LRP1B: variants seen among roughly 807,000 people sequenced by gnomAD.
The protein encoded by LRP1B is low-density lipoprotein receptor-related protein 1B.
LRP1B carries 217 observed loss-of-function variants against 556.6 expected under a neutral mutation model. The ratio of observed to expected loss-of-function variants is 0.39; its 90% CI spans 0.35 to 0.44. The LOEUF is 0.44. Among genes scored for constraint, LRP1B ranks in the 20% least tolerant of loss-of-function variants. LRP1B has a pLI of 1.00. For synonymous variants in LRP1B, 2,047 were observed against 1,865.8 expected, an observed-to-expected ratio of 1.10 and a Z score of -2.50; for missense variants, 5,053 against 5,620.8, an observed-to-expected ratio of 0.90 and a Z score of 3.23.
chr2:141,657,572 C>T (rs1690059328), intron 2 of LRP1B, among the ~76,000 whole-genome samples: 1 of 151,404 alleles, frequency 6.6e-6, no homozygotes, highest in East Asian at 1.9e-4. Context: ...ATCATTGTTT[C>T]AATTATACAT....
chr2:141,143,637 G>C (rs1701711474), intron 7 of LRP1B, among the ~76,000 whole-genome samples: 1 of 152,038 alleles, frequency 6.6e-6, no homozygotes, highest in Admixed American at 6.6e-5. Flanking sequence ...AGTGTCCTGA[G>C]GTTTGGTGCC....
rs1306069563 is a variant in LRP1B, at chr2:140,241,237, A to T, written c.13325-1705T>A. On this transcript the variant is annotated intron_variant, in intron 87 of 90. Transcript: ENST00000389484. ...AATTTATTAGCAATTAATGAAAGAGAATCTGGCAGCTTGGATGGTAATTAA... is the reference window on the plus strand; with the variant it reads ...AATTTATTAGCAATTAATGAAAGAGTATCTGGCAGCTTGGATGGTAATTAA... 1.3e-5 allele frequency among the ~76,000 whole-genome samples: 2 copies of T among 150,860 alleles called. 1 individual carries two copies. Among genetic ancestry groups the T allele is most frequent in the Middle Eastern group, 6.3e-3 (2 of 316 alleles).
intron 2 of LRP1B, among the ~76,000 whole-genome samples, chr2:141,563,489 A>T (rs1042298506): frequency 2.6e-5 from 4 of 152,064 alleles, no homozygotes; most frequent in Admixed American, 2.6e-4. Context: ...GCTAGAAGAA[A>T]ATGAATGAAA....
chr2:142,012,721 C>A (rs1702995027), intron 1 of LRP1B, among the ~76,000 whole-genome samples: 1 of 152,144 alleles, frequency 6.6e-6, no homozygotes, highest in Non-Finnish European at 1.5e-5. Flanking sequence ...TACCTTACTG[C>A]ATGGTTCACA....
In LRP1B at chr2:141,774,977, TG is replaced by T. The variant is rs1222639607; in HGVS notation, c.205+35301del. The stretch of plus-strand genomic sequence containing the variant: ...ATTCTTTATCTCTCAAAAATAAACC[TG>T]ATTCTAATGGAAAAAAAGTGTTCAG... On this transcript the variant is annotated intron_variant, in intron 2 of 90. Transcript: ENST00000389484. Among the ~76,000 whole-genome samples the T allele has an allele frequency of 3.3e-5, 5 of 152,238 alleles. No homozygotes were observed. The East Asian group carries it at 9.6e-4, about 29-fold the overall frequency.
At chr2:140,285,382 CATAT>C (rs1194894606) in intron 84 of LRP1B, among the ~76,000 whole-genome samples, 1 of 146,814 alleles carries the variant, frequency 6.8e-6, no homozygotes, top group Non-Finnish European at 1.5e-5. Flanking sequence ...TATATACACA[CATAT>C]ATATATATAC....
intron 11 of LRP1B, among the ~76,000 whole-genome samples, chr2:141,028,201 G>C (rs1477037649): frequency 6.6e-6 from 1 of 151,722 alleles, no homozygotes; most frequent in African/African-American, 2.4e-5. Flanking sequence ...GTAAAAATTA[G>C]TTTAAATGAT....
intron 1 of LRP1B, among the ~76,000 whole-genome samples, chr2:142,045,733 A>C (rs1259014066): frequency 6.6e-6 from 1 of 151,908 alleles, no homozygotes; most frequent in African/African-American, 2.4e-5. Context: ...AATATGATCT[A>C]ATTGTTCTCA....
chr2:141,471,728 A>G (rs1682480892), intron 3 of LRP1B, among the ~76,000 whole-genome samples: 1 of 152,182 alleles, frequency 6.6e-6, no homozygotes, highest in Admixed American at 6.5e-5. Flanking sequence ...AATCCCTGGT[A>G]TTTAGCTAAA....
intron 1 of LRP1B, among the ~76,000 whole-genome samples, chr2:141,992,350 G>A (rs971374506): frequency 5.9e-5 from 9 of 151,978 alleles, no homozygotes; most frequent in African/African-American, 1.9e-4. Context: ...TTAATGAAGA[G>A]GAAAGCAATT....
intron 2 of LRP1B, among the ~76,000 whole-genome samples, chr2:141,495,035 C>G (rs188256883): frequency 6.6e-6 from 1 of 151,948 alleles, no homozygotes; most frequent in East Asian, 1.9e-4. Flanking sequence ...AATGTCTTGG[C>G]TCAGGAAAAA....
intron 7 of LRP1B, among the ~76,000 whole-genome samples, chr2:141,154,164 C>T (rs1702009625): frequency 1.3e-5 from 2 of 151,794 alleles, no homozygotes; most frequent in Non-Finnish European, 3.0e-5. Context: ...ACTGAAAAGA[C>T]TATAGTTTAA....
chr2:141,901,181 T>TC (rs1294835243), intron 1 of LRP1B, among the ~76,000 whole-genome samples: 46 of 152,076 alleles, frequency 3.0e-4, no homozygotes, highest in African/African-American at 1.1e-3. Context: ...TTCTCTTTTT[T>TC]CCCTCATGCA....
At chr2:140,511,543 C>T (rs529174766) in intron 51 of LRP1B, among the ~76,000 whole-genome samples, 1 of 152,112 alleles carries the variant, frequency 6.6e-6, no homozygotes, top group African/African-American at 2.4e-5. Flanking sequence ...CCTCGTGATC[C>T]GCCCGCCTCG....
At chr2:140,384,163 G>A (rs1683658571) in intron 67 of LRP1B, among the ~76,000 whole-genome samples, 1 of 152,140 alleles carries the variant, frequency 6.6e-6, no homozygotes, top group Non-Finnish European at 1.5e-5. Context: ...CATGTCTACA[G>A]AGTTGGCCTC....
intron 2 of LRP1B, among the ~76,000 whole-genome samples, chr2:141,588,148 A>G (rs1687205622): frequency 6.6e-6 from 1 of 152,220 alleles, no homozygotes; most frequent in Admixed American, 6.5e-5. Context: ...ATCTTGAGAT[A>G]TATACTCTTG....
intron 35 of LRP1B, among the ~76,000 whole-genome samples, chr2:140,742,318 CT>C (rs1227970903): frequency 6.6e-6 from 1 of 152,100 alleles, no homozygotes; most frequent in African/African-American, 2.4e-5. Flanking sequence ...AAGAAACATT[CT>C]TCTTCATGTA....
chr2:141,650,035 C>T lies in LRP1B; in HGVS notation c.205+160244G>A, dbSNP rs374728289. Reference sequence around the variant, plus strand: ...TCTCTACTAAAAATATAAAAGTTAGCGCGGCATGGTGGCATGTGCCTGTAA... The same window carrying T: ...TCTCTACTAAAAATATAAAAGTTAGTGCGGCATGGTGGCATGTGCCTGTAA... On this transcript the variant is annotated intron_variant, in intron 2 of 90. Transcript: ENST00000389484. 5.2e-4 allele frequency among the ~76,000 whole-genome samples: 79 copies of T among 152,186 alleles called. 2 individuals carry two copies. In the South Asian group the frequency reaches 6.8e-3, roughly 13 times the overall value.
At chr2:141,008,830 G>A (rs1697654743) in intron 14 of LRP1B, among the ~76,000 whole-genome samples, 1 of 151,910 alleles carries the variant, frequency 6.6e-6, no homozygotes, top group African/African-American at 2.4e-5. Context: ...CATTTGGAGT[G>A]CAGGCACAGG....
Sources: gnomAD v4.1 joint callset for allele counts (sites outside exome capture counted in the v4.1 genomes callset) on GRCh38, gnomAD v4.1.1 for gene constraint, MANE v1.5 for transcripts, NCBI Gene and HGNC (gene_info 2026-07-23, HGNC 2026-07-21) for gene names.